KIT: variants seen among roughly 807,000 people sequenced by gnomAD.
The protein encoded by KIT is KIT proto-oncogene, receptor tyrosine kinase.
Under a neutral mutation model 105.7 loss-of-function variants are expected in KIT, and 16 were observed. That is an observed-to-expected ratio of 0.15 (90% confidence interval 0.10 to 0.23). The LOEUF is 0.23. KIT is among the 10% of genes least tolerant of loss of function. The pLI is 1.00. For missense variants in KIT, 858 were observed against 1,213.8 expected, an observed-to-expected ratio of 0.71 and a Z score of 4.36; for synonymous variants, 438 against 441.1, an observed-to-expected ratio of 0.99 and a Z score of 0.09.
At chr4:54,664,610 T>TTTAC (rs1717547096) in intron 1 of KIT, among the ~76,000 whole-genome samples, 1 of 150,848 alleles carries the variant, frequency 6.6e-6, no homozygotes, top group Non-Finnish European at 1.5e-5. Flanking sequence ...TATTTATTTA[T>TTTAC]TTATTTATTT....
chr4:54,725,644 A>C (rs1252132838), intron 8 of KIT, among the ~76,000 whole-genome samples: 2 of 152,126 alleles, frequency 1.3e-5, no homozygotes, highest in Non-Finnish European at 1.5e-5. Context: ...TCAAACCCGC[A>C]TCTGACTCCG....
intron 17 of KIT, chr4:54,733,528 G>T (rs1277009970): frequency 6.9e-6 from 2 of 291,164 alleles, no homozygotes; most frequent in East Asian, 9.0e-5. Context: ...CACAGCAGGA[G>T]AAATTTTGGG....
chr4:54,699,575 A>G, intron 3 of KIT, 55 bp from the exon 4 acceptor site: 3 of 1,603,376 alleles, frequency 1.9e-6, no homozygotes, highest in Middle Eastern at 1.7e-4. Context: ...TGGTAAATCA[A>G]AATTTCATGC....
intron 8 of KIT, 56 bp from the exon 9 acceptor site, chr4:54,725,801 T>C: frequency 6.8e-7 from 1 of 1,466,814 alleles, no homozygotes; most frequent in South Asian, 1.2e-5. Context: ...CCAAGTGTTT[T>C]ATGTATTTAT....
At chr4:54,668,729 C>T (rs1717885906) in intron 1 of KIT, among the ~76,000 whole-genome samples, 1 of 152,206 alleles carries the variant, frequency 6.6e-6, no homozygotes, top group African/African-American at 2.4e-5. Context: ...CGTTGGCTGT[C>T]TGTTATTCTA....
intron 17 of KIT, among the ~76,000 whole-genome samples, chr4:54,733,909 T>C (rs963122061): frequency 6.6e-6 from 1 of 152,152 alleles, no homozygotes; most frequent in African/African-American, 2.4e-5. Context: ...TTTATAATAT[T>C]CTCTGCCTGT....
At chr4:54,671,223 C>G (rs1427185221) in intron 1 of KIT, among the ~76,000 whole-genome samples, 1 of 152,158 alleles carries the variant, frequency 6.6e-6, no homozygotes, top group East Asian at 1.9e-4. Flanking sequence ...GAACTGACAC[C>G]ATTGCATTCC....
intron 7 of KIT, among the ~76,000 whole-genome samples, chr4:54,721,566 C>T (rs1032447198): frequency 1.3e-5 from 2 of 152,168 alleles, no homozygotes; most frequent in African/African-American, 4.8e-5. Flanking sequence ...TGTATATTAG[C>T]CAAATGGCCT....
Position 54,695,627 on chromosome 4 carries a change from G to A in KIT, c.183G>A (p.Pro61=), listed in dbSNP as rs745640513. The A allele has an allele frequency of 1.9e-5, 30 of 1,614,174 alleles. No homozygotes were observed. The highest frequency in any genetic ancestry group is 2.3e-5 in the Non-Finnish European group (27 of 1,180,032). Residue 61 remains proline (P), a synonymous_variant, in exon 2 of 21, where the codon CCG becomes CCA. Transcript: ENST00000288135. ...GDEIRLLCTD[P]GFVKWTFEIL... ...AGATTAGGCTGTTATGCACTGATCC[G>A]GGCTTTGTCAAATGGACTTTTGAGA... is the stretch of plus-strand genomic sequence containing the variant.
Position 54,695,517 on chromosome 4 carries a change from T to C in KIT, c.73T>C (p.Ser25Pro). The change falls in exon 2 of 21, where the codon TCT (serine) becomes CCT (proline). Residue 25 changes from serine (S) to proline (P), a missense_variant. By Grantham distance (74) the Ser-to-Pro change is moderately conservative (BLOSUM62 -1). Transcript: ENST00000288135. ...GATTCTGTTTTTCTTGGCAGGCTCT[T>C]CTCAACCATCTGTGAGTCCAGGGGA... ...LLLLRVQTGS[S>P]QPSVSPGEPS... 1 of 1,614,166 alleles carries C rather than the reference T, an allele frequency of 6.2e-7. No individual in the cohort carries two copies. Among genetic ancestry groups the C allele is most frequent in the Non-Finnish European group, 8.5e-7 (1 of 1,180,032 alleles).
intron 1 of KIT, among the ~76,000 whole-genome samples, chr4:54,690,062 G>GC (rs941903332): frequency 2.2e-5 from 3 of 138,406 alleles, no homozygotes; most frequent in Non-Finnish European, 3.3e-5. Context: ...TTTTTGTGGG[G>GC]GGGGGGGGCT....
intron 4 of KIT, among the ~76,000 whole-genome samples, chr4:54,700,079 G>T (rs1720360138): frequency 6.6e-6 from 1 of 152,158 alleles, no homozygotes; most frequent in African/African-American, 2.4e-5. Context: ...ATGGTTAACT[G>T]CATGAATACT....
At chr4:54,727,695 C>A in intron 11 of KIT, 128 bp from the exon 12 acceptor site, 2 of 1,282,686 alleles carry the variant, frequency 1.6e-6, no homozygotes, top group Non-Finnish European at 2.2e-6. Flanking sequence ...CCATAGAGAA[C>A]ATCGTAGGAA....
At chr4:54,661,971 C>G (rs1717304509) in intron 1 of KIT, among the ~76,000 whole-genome samples, 1 of 152,172 alleles carries the variant, frequency 6.6e-6, no homozygotes, top group Admixed American at 6.5e-5. Context: ...ATCTGATAGC[C>G]CGAGGAGACA....
At chr4:54,703,005 G>A (rs1426116520) in intron 4 of KIT, among the ~76,000 whole-genome samples, 1 of 152,170 alleles carries the variant, frequency 6.6e-6, no homozygotes. Flanking sequence ...GAAAGCTGCT[G>A]TAGCTTATGT....
Position 54,727,902 on chromosome 4 carries a change from G to A in KIT, c.1854G>A (p.Met618Ile), listed in dbSNP as rs199787524. 24 of 1,614,074 alleles carry A rather than the reference G, an allele frequency of 1.5e-5. No individual in the cohort carries two copies. In the East Asian group the frequency reaches 5.3e-4, roughly 36 times the overall value. ...AYGLIKSDAA[M>I]TVAVKMLKPS... ...GCTTAATTAAGTCAGATGCGGCCAT[G>A]ACTGTCGCTGTAAAGATGCTCAAGC... The change falls in exon 12 of 21, where the codon ATG becomes ATA. Residue 618 changes from methionine (M) to isoleucine (I), a missense_variant. Met to Ile is a conservative substitution (Grantham distance 10). Coordinates refer to ENST00000288135, the MANE Select transcript of KIT (RefSeq NM_000222.3).
At chr4:54,694,515 TA>T (rs1312060752) in intron 1 of KIT, among the ~76,000 whole-genome samples, 1 of 152,000 alleles carries the variant, frequency 6.6e-6, no homozygotes, top group Non-Finnish European at 1.5e-5. Flanking sequence ...AGGTTCCCAC[TA>T]CCATGCCCAG....
intron 16 of KIT, 47 bp downstream of exon 16, chr4:54,732,045 A>AGTTTTTTTTTTTTTTTTTTTGT (rs1722637792): frequency 1.4e-6 from 1 of 736,698 alleles, no homozygotes; most frequent in Non-Finnish European, 1.9e-6. Flanking sequence ...TGTTTTTTTG[A>AGTTTTTTTTTTTTTTTTTTTGT]TTTTTTTTTT....
rs1456585233 is a variant in KIT at position 54,699,639 on chromosome 4, C to T, written c.629C>T (p.Ala210Val). ...FILKVRPAFK[A>V]VPVVSVSKAS... ...TTTCTTTTCATTCTAGCCTTCAAAG[C>T]TGTGCCTGTTGTGTCTGTGTCCAAA... Residue 210 changes from alanine (A) to valine (V), a missense_variant, in exon 4 of 21, where the codon GCT becomes GTT. Physicochemically the swap from Ala to Val is moderately conservative, Grantham distance 64. Coordinates refer to ENST00000288135, the MANE Select transcript of KIT (RefSeq NM_000222.3). The T allele has an allele frequency of 6.2e-7, 1 of 1,613,990 alleles. No homozygotes were observed. The highest frequency in any genetic ancestry group is 2.2e-5 in the East Asian group (1 of 44,876).
Sources: allele counts gnomAD v4.1 joint callset (sites outside exome capture counted in the v4.1 genomes callset), GRCh38; gene constraint gnomAD v4.1.1; transcripts MANE v1.5; gene names NCBI Gene and HGNC (gene_info 2026-07-23, HGNC 2026-07-21).